Variants in PDLIM7 observed in about 807,000 individuals in gnomAD.
The protein encoded by PDLIM7 is PDZ and LIM domain protein 7.
Under a neutral mutation model 53.9 loss-of-function variants are expected in PDLIM7, and 37 were observed. The ratio of observed to expected loss-of-function variants is 0.69; its 90% CI spans 0.53 to 0.90. The LOEUF (loss-of-function observed/expected upper bound fraction) is 0.90. PDLIM7 is among the 40% of genes least tolerant of loss of function. The pLI, the probability that PDLIM7 is intolerant of heterozygous loss-of-function variation, is 0.00. For missense variants in PDLIM7, 617 were observed against 638.5 expected, an observed-to-expected ratio of 0.97 and a Z score of 0.36; for synonymous variants, 300 against 261.3, an observed-to-expected ratio of 1.15 and a Z score of -1.43.
chr5:177,494,128 A>C (rs2127414888), intron 2 of PDLIM7, among the ~76,000 whole-genome samples: 1 of 152,320 alleles, frequency 6.6e-6, no homozygotes, highest in Non-Finnish European at 1.5e-5. Context: ...TTGACACTGA[A>C]TCTTCCAACA....
chr5:177,491,189 C>T (rs371197278), intron 5 of PDLIM7, 43 bp from the exon 6 acceptor site: 134 of 519,986 alleles, frequency 2.6e-4, no homozygotes, highest in Non-Finnish European at 3.5e-4. Flanking sequence ...TGGGGGTGGG[C>T]GGTGGGGGCA....
intron 10 of PDLIM7, 94 bp downstream of exon 10, chr5:177,487,974 C>T (rs1758547342): frequency 7.9e-7 from 1 of 1,259,432 alleles, no homozygotes; most frequent in Admixed American, 2.3e-5. Flanking sequence ...CCGGAGGGCT[C>T]ACTCGGGGAG....
rs1349908067 is a variant in PDLIM7, at chr5:177,490,829, G to A, written c.572+41C>T. 6 of 1,610,102 alleles carry A rather than the reference G, an allele frequency of 3.7e-6. No individual in the cohort carries two copies. In the African/African-American group the frequency reaches 4.0e-5, roughly 11 times the overall value. On this transcript the variant is annotated intron_variant, in intron 7 of 12. Transcript: ENST00000355841. The stretch of plus-strand genomic sequence containing the variant: ...ACACAGGGCAGTAGCTGGAATGGAA[G>A]AGGCAGGAGGTGGGAGAGGGGCTGG...
intron 10 of PDLIM7, 138 bp from the exon 11 acceptor site, chr5:177,484,328 A>G: frequency 9.8e-7 from 1 of 1,019,182 alleles, no homozygotes; most frequent in East Asian, 2.5e-5. Context: ...GGACTCCCAC[A>G]CCTCCATCTC....
Position 177,489,459 on chromosome 5 carries a change from C to A in PDLIM7, c.803G>T (p.Gly268Val). 1 of 1,604,780 alleles carries A rather than the reference C, an allele frequency of 6.2e-7. No homozygotes were observed. ...GTTGTTGCTGCCCCCTCCTGGCACC[C>A]CTCCGGCAGCTGCCTGCACAATGGA... ...RTSIVQAAAG[G>V]VPGGGSNNGK... The change falls in exon 9 of 13, where the codon GGG (glycine) becomes GTG (valine). Residue 268 changes from glycine to valine, a missense_variant. Physicochemically the swap from Gly to Val is moderately radical, Grantham distance 109 (BLOSUM62 -3). Transcript: ENST00000355841.
intron 10 of PDLIM7, among the ~76,000 whole-genome samples, chr5:177,485,919 A>G (rs1388062491): frequency 2.0e-5 from 3 of 152,238 alleles, no homozygotes; most frequent in South Asian, 4.1e-4. Context: ...CCAGGAGATC[A>G]AGGCTGCAGT....
At chr5:177,486,238 TAA>T (rs1417469810) in intron 10 of PDLIM7, among the ~76,000 whole-genome samples, 1 of 152,112 alleles carries the variant, frequency 6.6e-6, no homozygotes, top group Non-Finnish European at 1.5e-5. Context: ...TCTGATTTTT[TAA>T]ATTGTTTGCT....
rs1758749788 is a variant in PDLIM7, at chr5:177,491,061, C to T, written c.484G>A (p.Gly162Ser). ...TEDWRPRPGT[G>S]QSRSFRILAH... ...AGGATGCGGAAGGAACGCGACTGGC[C>T]TGTCCCCGGCCGCGGCCGCCAGTCC... is the stretch of plus-strand genomic sequence containing the variant. The change falls in exon 6 of 13, where the codon GGC (glycine) becomes AGC (serine). Residue 162 changes from glycine to serine, a missense_variant. Gly to Ser is a moderately conservative substitution (Grantham distance 56). Transcript: ENST00000355841. The T allele has an allele frequency of 3.1e-6, 5 of 1,611,166 alleles. No homozygotes were observed. In the East Asian group the frequency reaches 8.9e-5, roughly 29 times the overall value.
At chr5:177,494,088 C>T (rs1403438594) in intron 2 of PDLIM7, among the ~76,000 whole-genome samples, 1 of 152,242 alleles carries the variant, frequency 6.6e-6, no homozygotes, top group Non-Finnish European at 1.5e-5. Flanking sequence ...AGACTTGCTT[C>T]AGTTTATTGA....
Position 177,491,855 on chromosome 5 carries a change from C to A in PDLIM7, c.350G>T (p.Arg117Leu). 8.1e-7 allele frequency: 1 copy of A among 1,231,460 alleles called. No homozygotes were observed. Among genetic ancestry groups the A allele is most frequent in the South Asian group, 3.3e-5 (1 of 30,028 alleles). The allele number at this position is 1,231,460 out of a possible 1,614,324, so 76.3% of individuals were successfully genotyped here. Residue 117 changes from arginine (R) to leucine (L), a missense_variant, in exon 5 of 13, where the codon CGG becomes CTG. Arg to Leu is a moderately radical substitution (Grantham distance 102). Coordinates refer to ENST00000355841, the MANE Select transcript of PDLIM7 (RefSeq NM_005451.5). ...APSVSLNKTA[R>L]PFGAPPPADS... ...AGCGGGCGGGGGCGCCCCAAAGGGC[C>A]GGGCCGTCTTGTTGAGGGAGACGCT...
chr5:177,494,598 GGAGGGCAGGAAGCACAGAGGAT>G (rs1408142069), intron 2 of PDLIM7, among the ~76,000 whole-genome samples: 2 of 152,082 alleles, frequency 1.3e-5, no homozygotes, highest in African/African-American at 4.8e-5. Flanking sequence ...CCCAGAGTGA[GGAGGGCAGGAAGCACAGAGGAT>G]GAGGGGTGTT....
chr5:177,487,836 G>A (rs1758540221), intron 10 of PDLIM7: 2 of 396,850 alleles, frequency 5.0e-6, no homozygotes, highest in Admixed American at 4.2e-5. Flanking sequence ...GGCTTCTCCT[G>A]GCTTGGTCCT....
At chr5:177,490,135 C>T in intron 7 of PDLIM7, 4 of 1,491,124 alleles carry the variant, frequency 2.7e-6, no homozygotes, top group Non-Finnish European at 3.6e-6. Context: ...TGCCAGGTAC[C>T]CCCTCCCACT....
chr5:177,489,627 C>T lies in PDLIM7; in HGVS notation c.635G>A (p.Gly212Asp). The T allele has an allele frequency of 6.3e-7, 1 of 1,586,378 alleles. No individual in the cohort carries two copies. Among genetic ancestry groups the T allele is most frequent in the Non-Finnish European group, 8.6e-7 (1 of 1,168,680 alleles). Reference protein sequence around the residue: ...ASSTPQEPWPGPTAPSPTSRP... With the variant: ...ASSTPQEPWPDPTAPSPTSRP... ...GCTGGTAGGGCTGGGGGCGGTAGGG[C>T]CTGCCGGGGAAAGTGACTCTAAAGG... Residue 212 changes from glycine to aspartate, a missense_variant and splice_region_variant, in exon 9 of 13, where the codon GGC (glycine) becomes GAC (aspartate). Coordinates refer to ENST00000355841, the MANE Select transcript of PDLIM7 (RefSeq NM_005451.5).
At chr5:177,489,660 A>C in intron 8 of PDLIM7, 33 bp from the exon 9 acceptor site, 1 of 1,530,976 alleles carries the variant, frequency 6.5e-7, no homozygotes, top group South Asian at 1.2e-5. Flanking sequence ...AGGGGTGCCC[A>C]GGGACCCCAA....
At chr5:177,492,127 A>G in intron 4 of PDLIM7, 1 of 567,574 alleles carries the variant, frequency 1.8e-6, no homozygotes. Context: ...CAGTCCACGC[A>G]GGACCGAGGG....
rs1433987849 is a variant in PDLIM7, at chr5:177,492,625, AC to A, written c.148del (p.Val50CysfsTer2). 3 of 1,610,518 alleles carry A rather than the reference AC, an allele frequency of 1.9e-6. No individual in the cohort carries two copies. The highest frequency in any genetic ancestry group is 2.5e-6 in the Non-Finnish European group (3 of 1,179,984). On this transcript the variant is annotated frameshift_variant, in exon 3 of 13. Coordinates refer to ENST00000355841, the MANE Select transcript of PDLIM7 (RefSeq NM_005451.5). LOFTEE classifies it high-confidence loss of function. ...CGCATTCTCGCCATCGATGCTCAGC[AC>A]CCAGTCACCCACGGCCACTCCGGCC... ...AQAGVAVGDW[V>X]LSIDGENAGS... is the part of the protein sequence containing the mutation.
At chr5:177,491,263 T>C in intron 5 of PDLIM7, 117 bp from the exon 6 acceptor site, 19 of 1,433,400 alleles carry the variant, frequency 1.3e-5, no homozygotes, top group Non-Finnish European at 1.8e-5. Flanking sequence ...TGGGTAAGGG[T>C]GAGGCCAGGA....
intron 4 of PDLIM7, chr5:177,492,128 G>A (rs1463003469): frequency 6.9e-6 from 4 of 575,936 alleles, no homozygotes; most frequent in Admixed American, 3.2e-5. Flanking sequence ...AGTCCACGCA[G>A]GACCGAGGGC....
Sources: allele counts gnomAD v4.1 joint callset (sites outside exome capture counted in the v4.1 genomes callset), GRCh38; gene constraint gnomAD v4.1.1; transcripts MANE v1.5; gene names NCBI Gene and HGNC (gene_info 2026-07-23, HGNC 2026-07-21).